The following CNTN5 variants were observed in gnomAD, a reference collection of about 807,000 sequenced individuals.
CNTN5 encodes contactin-5.
CNTN5 carries 77 observed loss-of-function variants against 129.1 expected under a neutral mutation model. That is an observed-to-expected ratio of 0.60 (90% CI 0.50 to 0.72). The LOEUF is 0.72. Ranked by LOEUF, CNTN5 falls within the 30% of genes least tolerant of loss-of-function variation. The pLI is 0.00. For missense variants in CNTN5, 1,478 were observed against 1,328.8 expected (o/e 1.11, Z -1.75); for synonymous variants, 509 against 465.6 (o/e 1.09, Z -1.20).
At position 100,308,584 on chromosome 11, in the gene CNTN5, C is replaced by G. The variant is rs75283001; in HGVS notation, c.2730+116C>G. The G allele has an allele frequency of 4.0e-3, 5,663 of 1,424,208 alleles. 174 individuals are homozygous for G. In the African/African-American group the frequency reaches 0.068, roughly 17 times the overall value. The allele number at this position is 1,424,208 out of a possible 1,614,324, so 88.2% of individuals were successfully genotyped here. The stretch of plus-strand genomic sequence containing the variant: ...AACAGAATTTCTTAGAAATTTTGCT[C>G]TATGTTAAAGAAACTAAGAAATACT... On this transcript the variant is annotated intron_variant, in intron 21 of 24. Coordinates refer to ENST00000524871, the MANE Select transcript of CNTN5 (RefSeq NM_014361.4).
At chr11:99,581,960 G>T (rs1191382337) in intron 3 of CNTN5, among the ~76,000 whole-genome samples, 2 of 152,000 alleles carry the variant, frequency 1.3e-5, no homozygotes, top group African/African-American at 4.8e-5. Context: ...GCAGTGGCTG[G>T]TACCAGTTGT....
At chr11:100,090,535 CTTCCTTCCT>C (rs1336497035) in intron 13 of CNTN5, among the ~76,000 whole-genome samples, 2 of 83,072 alleles carry the variant, frequency 2.4e-5, no homozygotes, top group African/African-American at 1.2e-4. Context: ...CCCTTCCTTC[CTTCCTTCCT>C]TCCTTCCCTC....
chr11:99,188,607 T>C (rs10750213), intron 1 of CNTN5, among the ~76,000 whole-genome samples: 143,742 of 151,782 alleles, frequency 0.95, 68,127 homozygotes, highest in East Asian at 1. Context: ...GAACACGATT[T>C]ATTTAATATT....
intron 2 of CNTN5, among the ~76,000 whole-genome samples, chr11:99,368,834 G>A (rs1485898819): frequency 2.0e-5 from 3 of 152,064 alleles, no homozygotes; most frequent in African/African-American, 7.2e-5. Flanking sequence ...TATTGCAATA[G>A]GGGAGAGAGA....
At chr11:100,280,429 G>A (rs1346064010) in intron 18 of CNTN5, among the ~76,000 whole-genome samples, 3 of 151,700 alleles carry the variant, frequency 2.0e-5, no homozygotes, top group African/African-American at 7.3e-5. Context: ...ATCTTTATAT[G>A]GTGAACTTCT....
intron 1 of CNTN5, among the ~76,000 whole-genome samples, chr11:99,036,064 A>G (rs1863711649): frequency 6.6e-6 from 1 of 152,124 alleles, no homozygotes; most frequent in Non-Finnish European, 1.5e-5. Flanking sequence ...TTCTGGGTTG[A>G]AAATTCTTTT....
chr11:99,265,068 A>C (rs999674440), intron 1 of CNTN5, among the ~76,000 whole-genome samples: 16 of 152,008 alleles, frequency 1.1e-4, no homozygotes, highest in Non-Finnish European at 2.4e-4. Flanking sequence ...TAAACAATTA[A>C]AACTTAGGTG....
At chr11:99,420,963 A>G (rs9919649) in intron 2 of CNTN5, among the ~76,000 whole-genome samples, 15,206 of 152,224 alleles carry the variant, frequency 0.1, 834 homozygotes, top group South Asian at 0.17. Context: ...TCTCGGAAGC[A>G]TGGATAGCAG....
intron 1 of CNTN5, among the ~76,000 whole-genome samples, chr11:99,057,687 A>G (rs1010376458): frequency 6.6e-6 from 1 of 152,008 alleles, no homozygotes; most frequent in African/African-American, 2.4e-5. Context: ...AAAATACTGA[A>G]AAAAAGAAGT....
At chr11:99,658,699 C>G (rs1426351274) in intron 3 of CNTN5, among the ~76,000 whole-genome samples, 1 of 117,568 alleles carries the variant, frequency 8.5e-6, no homozygotes, top group Non-Finnish European at 1.9e-5. Flanking sequence ...TAGTGAAATT[C>G]TGTCTCTACT....
At chr11:99,876,040 T>A (rs992516658) in intron 6 of CNTN5, among the ~76,000 whole-genome samples, 1 of 152,076 alleles carries the variant, frequency 6.6e-6, no homozygotes, top group Non-Finnish European at 1.5e-5. Flanking sequence ...GAATAATGAG[T>A]GAAATACTAC....
Position 99,956,862 on chromosome 11 carries a change from C to T in CNTN5, c.730C>T (p.Arg244Trp), listed in dbSNP as rs190220140. 66 of 1,613,810 alleles carry T rather than the reference C, an allele frequency of 4.1e-5. No homozygotes were observed. The highest frequency in any genetic ancestry group is 1.5e-4 in the South Asian group (14 of 91,068). Residue 244 changes from arginine (R) to tryptophan (W), a missense_variant, in exon 8 of 25, where the codon CGG (arginine) becomes TGG (tryptophan). Arg to Trp is a moderately radical substitution (Grantham distance 101, BLOSUM62 -3). Transcript: ENST00000524871. ...EFPSFVAEDS[R>W]RFISQETGNL... ...CCCTTCCTTTGTGGCGGAAGACAGCCGGCGGTTCATCTCCCAGGAGACAGG... is the reference window on the plus strand; with the variant it reads ...CCCTTCCTTTGTGGCGGAAGACAGCTGGCGGTTCATCTCCCAGGAGACAGG...
intron 1 of CNTN5, among the ~76,000 whole-genome samples, chr11:99,069,044 C>T (rs1355567325): frequency 1.3e-5 from 2 of 152,006 alleles, no homozygotes; most frequent in Non-Finnish European, 2.9e-5. Flanking sequence ...CTCATCCTTA[C>T]CCTAATTTGA....
chr11:100,276,507 G>T (rs1162213624), intron 18 of CNTN5, among the ~76,000 whole-genome samples: 7 of 140,250 alleles, frequency 5.0e-5, no homozygotes, highest in Non-Finnish European at 4.5e-5. Flanking sequence ...TCCAGCCTGG[G>T]TGACAGAGTG....
chr11:99,106,645 TAAC>T (rs1565321967), intron 1 of CNTN5, among the ~76,000 whole-genome samples: 1 of 152,078 alleles, frequency 6.6e-6, no homozygotes, highest in Non-Finnish European at 1.5e-5. Context: ...CTGGATGAAT[TAAC>T]ATATCTTAAA....
rs1439945211 is a variant in CNTN5 at position 99,710,595 on chromosome 11, GTGTGTGTA to G, written c.56-108945_56-108938del. On this transcript the variant is annotated intron_variant, in intron 3 of 24. Coordinates refer to ENST00000524871, the MANE Select transcript of CNTN5 (RefSeq NM_014361.4). ...TGTGTGTGTGTGTGTGTGTGTGTGT[GTGTGTGTA>G]TGTATGTATGTATGTTTGAGTAATA... Among the ~76,000 whole-genome samples the G allele has an allele frequency of 8.6e-4, 119 of 137,676 alleles. 1 individual carries two copies. The highest frequency in any genetic ancestry group is 2.1e-3 in the African/African-American group (80 of 38,020). The allele number at this position is 137,676 out of a possible 152,430, so 90.3% of individuals were successfully genotyped here.
intron 10 of CNTN5, among the ~76,000 whole-genome samples, 165 bp downstream of exon 10, chr11:100,061,558 A>T (rs1004217320): frequency 6.6e-6 from 1 of 152,238 alleles, no homozygotes; most frequent in African/African-American, 2.4e-5. Context: ...TACCCTATAC[A>T]TAGAAATGAT....
chr11:99,295,882 C>CAAAAAA (rs34180493), intron 1 of CNTN5, among the ~76,000 whole-genome samples: 1 of 50,990 alleles, frequency 2.0e-5, no homozygotes, highest in African/African-American at 6.9e-5. Context: ...GACTCCGTCT[C>CAAAAAA]AAAAAAAAAA....
intron 2 of CNTN5, among the ~76,000 whole-genome samples, chr11:99,386,214 G>A (rs1309977681): frequency 1.3e-5 from 2 of 152,174 alleles, no homozygotes; most frequent in Admixed American, 1.3e-4. Context: ...CAGGAAAGGG[G>A]TCCTGATCCA....
Sources: gnomAD v4.1 joint callset for allele counts (sites outside exome capture counted in the v4.1 genomes callset) on GRCh38, gnomAD v4.1.1 for gene constraint, MANE v1.5 for transcripts, NCBI Gene and HGNC (gene_info 2026-07-23, HGNC 2026-07-21) for gene names.